The following WWC2 variants were observed in gnomAD, a reference collection of about 807,000 sequenced individuals.
WWC2 encodes the protein protein WWC2.
Under a neutral mutation model 138.5 loss-of-function variants are expected in WWC2, and 101 were observed. The ratio of observed to expected loss-of-function variants is 0.73; its 90% CI spans 0.62 to 0.86. WWC2 has a LOEUF of 0.86. WWC2 is among the 40% of genes least tolerant of loss of function. The pLI is 0.00. For synonymous variants in WWC2, 558 were observed against 538.4 expected (o/e 1.04, Z -0.50); for missense variants, 1,420 against 1,419.4 (o/e 1.00, Z -0.01).
intron 14 of WWC2, among the ~76,000 whole-genome samples, chr4:183,266,314 T>C (rs1193748532): frequency 1.3e-5 from 2 of 152,258 alleles, no homozygotes; most frequent in South Asian, 2.1e-4. Context: ...TACATTAAAA[T>C]GTAGTGATTA....
chr4:183,233,836 G>T (rs1159837804), intron 4 of WWC2: 8 of 152,220 alleles, frequency 5.3e-5, no homozygotes, highest in Admixed American at 5.2e-4. Context: ...AGGATTTTCA[G>T]TAAGGTGGAA....
chr4:183,119,966 A>G (rs1732548660), intron 1 of WWC2, among the ~76,000 whole-genome samples: 1 of 152,198 alleles, frequency 6.6e-6, no homozygotes, highest in Non-Finnish European at 1.5e-5. Flanking sequence ...CAGAACTTAA[A>G]TTTATTTGTT....
intron 2 of WWC2, among the ~76,000 whole-genome samples, chr4:183,207,457 AT>A (rs1735476842): frequency 1.3e-5 from 2 of 152,242 alleles, no homozygotes. Context: ...TAAAATCGCT[AT>A]AATGATTACA....
chr4:183,164,259 T>A (rs1734040867), intron 1 of WWC2, among the ~76,000 whole-genome samples: 1 of 139,302 alleles, frequency 7.2e-6, no homozygotes, highest in African/African-American at 2.7e-5. Context: ...TGTGATTTGG[T>A]GTGCGCATAT....
chr4:183,247,203 C>A (rs943672130), intron 6 of WWC2, among the ~76,000 whole-genome samples: 3 of 152,102 alleles, frequency 2.0e-5, no homozygotes, highest in Non-Finnish European at 2.9e-5. Context: ...CACACACATA[C>A]ACACTCCAAA....
intron 2 of WWC2, among the ~76,000 whole-genome samples, chr4:183,200,791 A>G (rs1477742238): frequency 1.3e-5 from 2 of 152,162 alleles, no homozygotes; most frequent in Non-Finnish European, 2.9e-5. Context: ...AGAATCAGGG[A>G]GAGAGAGAGT....
intron 15 of WWC2, chr4:183,269,404 A>G (rs749223273): frequency 4.7e-6 from 3 of 640,458 alleles, no homozygotes; most frequent in Admixed American, 2.1e-5. Flanking sequence ...TTCTATTTCT[A>G]CCTTTTCACC....
At chr4:183,262,091 G>A (rs1027220905) in intron 11 of WWC2, among the ~76,000 whole-genome samples, 2 of 152,198 alleles carry the variant, frequency 1.3e-5, no homozygotes, top group African/African-American at 2.4e-5. Flanking sequence ...TTGCAGCCCC[G>A]GGAAGGGATT....
At chr4:183,257,934 C>T (rs1265242331) in intron 9 of WWC2, among the ~76,000 whole-genome samples, 2 of 152,146 alleles carry the variant, frequency 1.3e-5, no homozygotes, top group Non-Finnish European at 2.9e-5. Flanking sequence ...AGACAGGCAT[C>T]TGTGGTTCAA....
intron 9 of WWC2, among the ~76,000 whole-genome samples, chr4:183,257,885 A>T (rs1347932999): frequency 6.6e-6 from 1 of 152,116 alleles, no homozygotes; most frequent in Non-Finnish European, 1.5e-5. Flanking sequence ...GCATTCTGGG[A>T]TTGTAGGAGC....
At chr4:183,265,129 T>C (rs1737458917) in intron 12 of WWC2, 22 bp downstream of exon 12, 1 of 1,587,860 alleles carries the variant, frequency 6.3e-7, no homozygotes, top group South Asian at 1.2e-5. Context: ...GCAGGGGCGC[T>C]TTTAGCTCCA....
chr4:183,320,525 G>T lies in WWC2; in HGVS notation c.*4796G>T. 3 of 355,308 alleles carry T rather than the reference G, an allele frequency of 8.4e-6. No individual in the cohort carries two copies. The South Asian group carries it at 1.8e-4, about 21-fold the overall frequency. 22.0% of individuals were successfully genotyped at this position (355,308 alleles called of 1,614,324 possible). A position where few individuals can be genotyped will look rare whatever the true frequency, so the allele number is the denominator to read the frequency against. On this transcript the variant is annotated 3_prime_UTR_variant, in exon 23 of 23. Coordinates refer to ENST00000403733, the MANE Select transcript of WWC2 (RefSeq NM_024949.6). ...AATTAAGTGATAATCTCCTTTCATT[G>T]TCAAGGTTAAAATGGCTTTCATGTT...
intron 1 of WWC2, among the ~76,000 whole-genome samples, chr4:183,143,441 CCT>C (rs1369862827): frequency 6.6e-6 from 1 of 152,110 alleles, no homozygotes; most frequent in Non-Finnish European, 1.5e-5. Flanking sequence ...ATAGATGAAC[CCT>C]GTTTGGATAA....
At chr4:183,279,123 G>T (rs1737975513) in intron 16 of WWC2, among the ~76,000 whole-genome samples, 1 of 152,032 alleles carries the variant, frequency 6.6e-6, no homozygotes, top group South Asian at 2.1e-4. Flanking sequence ...GTTTGTCATA[G>T]ATAGCTCTTA....
intron 2 of WWC2, among the ~76,000 whole-genome samples, chr4:183,203,033 A>G (rs1032817663): frequency 2.0e-5 from 3 of 152,200 alleles, no homozygotes; most frequent in Middle Eastern, 3.2e-3. Flanking sequence ...AGGTCACACA[A>G]TTTGTAAATG....
At chr4:183,231,144 A>ACCC (rs1359713466) in intron 4 of WWC2, among the ~76,000 whole-genome samples, 3 of 151,534 alleles carry the variant, frequency 2.0e-5, no homozygotes, top group Non-Finnish European at 4.4e-5. Context: ...TTTTAAAATT[A>ACCC]TATATAATAG....
At chr4:183,199,277 C>G (rs960575898) in intron 2 of WWC2, among the ~76,000 whole-genome samples, 2 of 152,098 alleles carry the variant, frequency 1.3e-5, no homozygotes, top group African/African-American at 2.4e-5. Flanking sequence ...GGGCCAGGTT[C>G]TTTTGTCGGG....
chr4:183,314,988 CA>C (rs1560901682), intron 22 of WWC2, among the ~76,000 whole-genome samples: 1 of 152,242 alleles, frequency 6.6e-6, no homozygotes. Flanking sequence ...CAGCTACCAG[CA>C]TGCCCCTTGC....
intron 4 of WWC2, among the ~76,000 whole-genome samples, chr4:183,235,511 C>T (rs1235634089): frequency 6.6e-6 from 1 of 152,098 alleles, no homozygotes; most frequent in Admixed American, 6.6e-5. Context: ...TTCTGTACAC[C>T]TCAGCACCTG....
Sources: gnomAD v4.1 joint callset for allele counts (sites outside exome capture counted in the v4.1 genomes callset) on GRCh38, gnomAD v4.1.1 for gene constraint, MANE v1.5 for transcripts, NCBI Gene and HGNC (gene_info 2026-07-23, HGNC 2026-07-21) for gene names.